TMEM132D: variants seen among roughly 807,000 people sequenced by gnomAD.
The protein encoded by TMEM132D is mature OL transmembrane protein.
Under a neutral mutation model 62.3 loss-of-function variants are expected in TMEM132D, and 21 were observed. The observed-to-expected ratio is 0.34, with a 90% CI of 0.24 to 0.49. TMEM132D has a LOEUF of 0.49. Ranked by LOEUF, TMEM132D falls within the 20% of genes least tolerant of loss-of-function variation. The pLI, the probability that TMEM132D is intolerant of heterozygous loss-of-function variation, is 0.99. For synonymous variants in TMEM132D, 621 were observed against 575.6 expected, an observed-to-expected ratio of 1.08 and a Z score of -1.13; for missense variants, 1,346 against 1,402.8, an observed-to-expected ratio of 0.96 and a Z score of 0.65.
intron 3 of TMEM132D, among the ~76,000 whole-genome samples, chr12:129,462,883 C>T (rs141450576): frequency 3.9e-5 from 6 of 152,262 alleles, no homozygotes; most frequent in Admixed American, 2.0e-4. Flanking sequence ...AGGCCAGTCT[C>T]GTGTCTCCCA....
At chr12:129,664,859 A>G in intron 2 of TMEM132D, among the ~76,000 whole-genome samples, 1 of 152,176 alleles carries the variant, frequency 6.6e-6, no homozygotes, top group East Asian at 1.9e-4. Context: ...CACAAAAACA[A>G]TGACAGCAAT....
intron 3 of TMEM132D, among the ~76,000 whole-genome samples, chr12:129,399,719 T>A (rs1379319409): frequency 6.6e-6 from 1 of 151,734 alleles, no homozygotes; most frequent in East Asian, 1.9e-4. Flanking sequence ...CTGAATAAGA[T>A]ATGCAGTTCT....
At chr12:129,220,013 T>C (rs531510791) in intron 4 of TMEM132D, among the ~76,000 whole-genome samples, 6 of 152,326 alleles carry the variant, frequency 3.9e-5, no homozygotes, top group African/African-American at 1.4e-4. Context: ...GTACTTCATT[T>C]CTCATCATAT....
At chr12:129,265,589 G>A (rs530263414) in intron 4 of TMEM132D, among the ~76,000 whole-genome samples, 11 of 152,130 alleles carry the variant, frequency 7.2e-5, no homozygotes, top group East Asian at 5.8e-4. Context: ...CCTGCCGTTC[G>A]GGCTCCCCAT....
At chr12:129,316,185 G>A (rs950714673) in intron 4 of TMEM132D, among the ~76,000 whole-genome samples, 4 of 151,778 alleles carry the variant, frequency 2.6e-5, no homozygotes. Flanking sequence ...TCTTCTGCTG[G>A]GTTTGGGTTT....
Position 129,736,813 on chromosome 12 carries a change from CTT to C in TMEM132D, c.80-36117_80-36116del, listed in dbSNP as rs34164181. ...GCATTAAGTCAACCTATGATGGTGCCTTTTTTTTTTTTTTTTTTTCTGAGACA... is the reference window on the plus strand; with the variant it reads ...GCATTAAGTCAACCTATGATGGTGCCTTTTTTTTTTTTTTTTTCTGAGACA... On this transcript the variant is annotated intron_variant, in intron 1 of 8. Transcript: ENST00000422113. 5.6e-3 allele frequency among the ~76,000 whole-genome samples: 713 copies of C among 126,834 alleles called. 7 individuals carry two copies. The highest frequency in any genetic ancestry group is 0.019 in the African/African-American group (630 of 33,838). The allele number at this position is 126,834 out of a possible 152,430, so 83.2% of individuals were successfully genotyped here. A position where few individuals can be genotyped will look rare whatever the true frequency, so the allele number is the denominator to read the frequency against.
chr12:129,164,261 T>C (rs1877478545), intron 5 of TMEM132D, among the ~76,000 whole-genome samples: 1 of 152,252 alleles, frequency 6.6e-6, no homozygotes, highest in Admixed American at 6.5e-5. Context: ...GCCTTTCCTC[T>C]GACCTTAGTC....
chr12:129,103,282 T>A (rs553885077), intron 5 of TMEM132D, among the ~76,000 whole-genome samples: 2 of 152,304 alleles, frequency 1.3e-5, no homozygotes, highest in African/African-American at 4.8e-5. Flanking sequence ...CCCCACAGCA[T>A]CAGTTCCTTC....
chr12:129,166,688 TACAC>T (rs199938469), intron 5 of TMEM132D, among the ~76,000 whole-genome samples: 1,580 of 104,748 alleles, frequency 0.015, 38 homozygotes, highest in African/African-American at 0.048. Context: ...TATATACACA[TACAC>T]ACACACACAC....
At chr12:129,735,697 T>A (rs1316916170) in intron 1 of TMEM132D, among the ~76,000 whole-genome samples, 1 of 152,194 alleles carries the variant, frequency 6.6e-6, no homozygotes, top group African/African-American at 2.4e-5. Context: ...CCATCACTTG[T>A]ATAAACTTCA....
At position 129,072,339 on chromosome 12, in the gene TMEM132D, T is replaced by C. The variant is rs492758; in HGVS notation, c.*1536A>G. The C allele has an allele frequency of 1, 152,458 of 152,754 alleles. 76,084 individuals are homozygous for C. Among genetic ancestry groups the C allele is most frequent in the Middle Eastern group, 1 (306 of 306 alleles). 9.5% of individuals were successfully genotyped at this position (152,754 alleles called of 1,614,324 possible). A position where few individuals can be genotyped will look rare whatever the true frequency, so the allele number is the denominator to read the frequency against. ...CCACCCGCTGCCCCCGACCATCTTT[T>C]GCAGGATCCTATCTGGCTGGCAATC... On this transcript the variant is annotated 3_prime_UTR_variant, in exon 9 of 9. Coordinates refer to ENST00000422113, the MANE Select transcript of TMEM132D (RefSeq NM_133448.3).
chr12:129,735,920 C>T (rs1374262590), intron 1 of TMEM132D, among the ~76,000 whole-genome samples: 3 of 152,256 alleles, frequency 2.0e-5, no homozygotes, highest in Admixed American at 6.5e-5. Context: ...GGCTGAAGCA[C>T]GAATGAGGGG....
intron 1 of TMEM132D, among the ~76,000 whole-genome samples, chr12:129,864,934 C>G (rs1391745047): frequency 6.6e-6 from 1 of 152,164 alleles, no homozygotes; most frequent in Non-Finnish European, 1.5e-5. Flanking sequence ...CAAGATGGGT[C>G]CACAGAAGTG....
At chr12:129,496,303 A>C (rs1874954442) in intron 3 of TMEM132D, among the ~76,000 whole-genome samples, 1 of 152,176 alleles carries the variant, frequency 6.6e-6, no homozygotes, top group African/African-American at 2.4e-5. Flanking sequence ...ATTACTAAGC[A>C]CCTTAGTGGG....
intron 3 of TMEM132D, among the ~76,000 whole-genome samples, chr12:129,452,232 G>A (rs186025564): frequency 6.6e-5 from 10 of 152,250 alleles, no homozygotes; most frequent in African/African-American, 2.2e-4. Flanking sequence ...CGCCTGTCTT[G>A]GAAAAAATGA....
chr12:129,376,446 C>G (rs1870783059), intron 3 of TMEM132D, among the ~76,000 whole-genome samples: 1 of 152,172 alleles, frequency 6.6e-6, no homozygotes, highest in African/African-American at 2.4e-5. Flanking sequence ...ATCATGAGAA[C>G]AGCAGGGAGG....
chr12:129,083,639 G>A (rs530992975), intron 6 of TMEM132D, among the ~76,000 whole-genome samples: 6 of 152,252 alleles, frequency 3.9e-5, no homozygotes, highest in African/African-American at 1.4e-4. Context: ...TGCAAGGAAG[G>A]GAATATAAGT....
At chr12:129,640,132 C>T (rs1375555784) in intron 2 of TMEM132D, among the ~76,000 whole-genome samples, 1 of 152,102 alleles carries the variant, frequency 6.6e-6, no homozygotes, top group Non-Finnish European at 1.5e-5. Context: ...AGGTCACTCG[C>T]CTATTAATAT....
chr12:129,355,730 G>T (rs893570991), intron 3 of TMEM132D, among the ~76,000 whole-genome samples: 1 of 152,154 alleles, frequency 6.6e-6, no homozygotes, highest in Non-Finnish European at 1.5e-5. Context: ...CCTTCACACT[G>T]GCTTCAATGT....
Sources: gnomAD v4.1 joint callset for allele counts (sites outside exome capture counted in the v4.1 genomes callset) on GRCh38, gnomAD v4.1.1 for gene constraint, MANE v1.5 for transcripts, NCBI Gene and HGNC (gene_info 2026-07-23, HGNC 2026-07-21) for gene names.